The following SEC61B variants were observed in gnomAD, a reference collection of about 807,000 sequenced individuals.
SEC61B encodes the protein protein transport protein Sec61 subunit beta.
A neutral mutation model predicts 12.6 loss-of-function variants in SEC61B; 7 were observed. The observed-to-expected ratio is 0.55, with a 90% CI of 0.32 to 1.04. The LOEUF is 1.04. Among genes scored for constraint, SEC61B ranks in the 50% least tolerant of loss-of-function variants. The pLI, the probability that SEC61B is intolerant of heterozygous loss-of-function variation, is 0.05. For synonymous variants in SEC61B, 54 were observed against 50.1 expected (o/e 1.08, Z -0.33); for missense variants, 107 against 130.1 (o/e 0.82, Z 0.86).
chr9:99,225,544 T>TG (rs1274176213), intron 2 of SEC61B, among the ~76,000 whole-genome samples: 1 of 152,198 alleles, frequency 6.6e-6, no homozygotes, highest in African/African-American at 2.4e-5. Context: ...TGGTTAGTTT[T>TG]GAAAACCATT....
chr9:99,228,075 A>G (rs1828919572), intron 3 of SEC61B, 75 bp downstream of exon 3: 1 of 1,147,840 alleles, frequency 8.7e-7, no homozygotes, highest in East Asian at 2.4e-5. Context: ...TGTCTCTGTC[A>G]CCAGTAGCGT....
In SEC61B at chr9:99,230,251, A is replaced by G. The variant is rs913806136; in HGVS notation, c.204-86A>G. ...CTTGAGTGCTGCCCACCTTACCTCT[A>G]CTTTTCCCCTAGGCAATCTTTAGTA... On this transcript the variant is annotated intron_variant, in intron 3 of 3. Coordinates refer to ENST00000223641, the MANE Select transcript of SEC61B (RefSeq NM_006808.3). 3.9e-6 allele frequency: 3 copies of G among 776,702 alleles called. No individual in the cohort carries two copies. The African/African-American group carries it at 5.3e-5, about 14-fold the overall frequency. 48.1% of individuals were successfully genotyped at this position (776,702 alleles called of 1,614,324 possible). A position where few individuals can be genotyped will look rare whatever the true frequency, so the allele number is the denominator to read the frequency against.
chr9:99,226,473 A>G (rs1828897130), intron 2 of SEC61B, among the ~76,000 whole-genome samples: 2 of 152,222 alleles, frequency 1.3e-5, no homozygotes, highest in South Asian at 4.1e-4. Context: ...CAGAATCATC[A>G]GCCCACAGAT....
At chr9:99,230,309 T>G (rs1828945155) in intron 3 of SEC61B, 28 bp from the exon 4 acceptor site, 1 of 1,435,234 alleles carries the variant, frequency 7.0e-7, no homozygotes, top group Non-Finnish European at 9.7e-7. Context: ...TTACTAAAAG[T>G]AAGCATGCTT....
chr9:99,228,314 G>A (rs1272887726), intron 3 of SEC61B, among the ~76,000 whole-genome samples: 1 of 152,228 alleles, frequency 6.6e-6, no homozygotes, highest in Non-Finnish European at 1.5e-5. Context: ...TTCATTTGGT[G>A]ATCTTGCCCC....
In SEC61B at chr9:99,222,288, G is replaced by T; in HGVS notation, c.-76G>T. 1.2e-6 allele frequency: 2 copies of T among 1,610,338 alleles called. No individual in the cohort carries two copies. The highest frequency in any genetic ancestry group is 1.7e-6 in the Non-Finnish European group (2 of 1,176,854). On this transcript the variant is annotated 5_prime_UTR_variant, in exon 1 of 4. Transcript: ENST00000223641. ...CGGGGGCGGGGCCTGAGTCAGTCTC[G>T]CCAGCTGCCGGTCTTTCGGGGGCTC...
At chr9:99,223,232 T>G (rs930373299) in intron 2 of SEC61B, 3 of 152,120 alleles carry the variant, frequency 2.0e-5, no homozygotes, top group African/African-American at 7.2e-5. Flanking sequence ...TACTTAACCC[T>G]TTTCTTCAGG....
chr9:99,229,325 A>AT (rs1427928275), intron 3 of SEC61B, among the ~76,000 whole-genome samples: 5 of 151,212 alleles, frequency 3.3e-5, no homozygotes, highest in Admixed American at 2.0e-4. Flanking sequence ...TTCAGAGAGA[A>AT]TTTTTTTTTC....
chr9:99,230,458 A>C lies in SEC61B; in HGVS notation c.*34A>C, dbSNP rs1828947280. 3 of 1,432,650 alleles carry C rather than the reference A, an allele frequency of 2.1e-6. No individual in the cohort carries two copies. The East Asian group carries it at 6.9e-5, about 33-fold the overall frequency. The allele number at this position is 1,432,650 out of a possible 1,614,324, so 88.7% of individuals were successfully genotyped here. On this transcript the variant is annotated 3_prime_UTR_variant, in exon 4 of 4. Transcript: ENST00000223641. ...ACATCCATCTGTCATCTGAAGAAGGAGGAAAAAACCCAACATTTCTTGGAC... is the reference window on the plus strand; with the variant it reads ...ACATCCATCTGTCATCTGAAGAAGGCGGAAAAAACCCAACATTTCTTGGAC...
chr9:99,229,656 G>T (rs1454927793), intron 3 of SEC61B, among the ~76,000 whole-genome samples: 1 of 152,086 alleles, frequency 6.6e-6, no homozygotes, highest in African/African-American at 2.4e-5. Flanking sequence ...CTCTTCAGGG[G>T]ACTCATTTTA....
intron 1 of SEC61B, 64 bp downstream of exon 1, chr9:99,222,430 G>C: frequency 3.7e-6 from 6 of 1,612,436 alleles, no homozygotes; most frequent in Non-Finnish European, 2.5e-6. Flanking sequence ...GCTTTGCGCC[G>C]TGCTTTTCCT....
intron 3 of SEC61B, 66 bp from the exon 4 acceptor site, chr9:99,230,271 T>G: frequency 1.0e-6 from 1 of 1,003,416 alleles, no homozygotes; most frequent in Non-Finnish European, 1.5e-6. Flanking sequence ...TAGGCAATCT[T>G]TAGTATTGCA....
At chr9:99,230,146 A>G (rs1224066033) in intron 3 of SEC61B, among the ~76,000 whole-genome samples, 191 bp from the exon 4 acceptor site, 2 of 152,262 alleles carry the variant, frequency 1.3e-5, no homozygotes, top group Non-Finnish European at 2.9e-5. Context: ...TTGCAGTGCC[A>G]TCATCACACC....
intron 3 of SEC61B, 121 bp downstream of exon 3, chr9:99,228,121 A>C: frequency 4.2e-6 from 3 of 711,882 alleles, no homozygotes; most frequent in Non-Finnish European, 7.0e-6. Flanking sequence ...CAACAGCCTC[A>C]TTTGTGCCAG....
At chr9:99,224,634 T>A (rs761931376) in intron 2 of SEC61B, among the ~76,000 whole-genome samples, 14 of 152,186 alleles carry the variant, frequency 9.2e-5, no homozygotes, top group Non-Finnish European at 1.6e-4. Context: ...GTTTTTAAAG[T>A]CGTGGGTGTT....
intron 2 of SEC61B, among the ~76,000 whole-genome samples, chr9:99,227,677 G>A (rs566393231): frequency 6.6e-6 from 1 of 152,224 alleles, no homozygotes; most frequent in Admixed American, 6.5e-5. Flanking sequence ...TGGAAAAATC[G>A]TGACTGCTTT....
At position 99,230,547 on chromosome 9, in the gene SEC61B, A is replaced by T; in HGVS notation, c.*123A>T. 3 of 663,764 alleles carry T rather than the reference A, an allele frequency of 4.5e-6. No homozygotes were observed. The highest frequency in any genetic ancestry group is 7.9e-6 in the Non-Finnish European group (3 of 378,898). 41.1% of individuals were successfully genotyped at this position (663,764 alleles called of 1,614,324 possible). On this transcript the variant is annotated 3_prime_UTR_variant, in exon 4 of 4. Coordinates refer to ENST00000223641, the MANE Select transcript of SEC61B (RefSeq NM_006808.3). ...CTGTAAGCTTGCTGTTTTACAGGGG[A>T]TTTATCAATAATTGATTTTGAGGAA...
At chr9:99,222,975 T>G in intron 2 of SEC61B, 1 of 236,372 alleles carries the variant, frequency 4.2e-6, no homozygotes. Flanking sequence ...AAGCAATCTG[T>G]CCTACAGATA....
intron 2 of SEC61B, chr9:99,222,844 T>C (rs985831221): frequency 2.1e-6 from 1 of 486,824 alleles, no homozygotes; most frequent in Non-Finnish European, 3.6e-6. Context: ...GGCACTACTC[T>C]TAAAAAAGGA....
Sources: allele counts gnomAD v4.1 joint callset (sites outside exome capture counted in the v4.1 genomes callset), GRCh38; gene constraint gnomAD v4.1.1; transcripts MANE v1.5; gene names NCBI Gene and HGNC (gene_info 2026-07-23, HGNC 2026-07-21).